RARB: variants seen among roughly 807,000 people sequenced by gnomAD.
RARB encodes HBV-activated protein.
Under a neutral mutation model 51.9 loss-of-function variants are expected in RARB, and 17 were observed. The ratio of observed to expected loss-of-function variants is 0.33; its 90% confidence interval spans 0.22 to 0.49. The LOEUF is 0.49. RARB is among the 20% of genes least tolerant of loss of function. RARB has a pLI of 0.99. For synonymous variants in RARB, 215 were observed against 195.4 expected (o/e 1.10, Z -0.84); for missense variants, 369 against 550.8 (o/e 0.67, Z 3.30).
At chr3:25,309,310 T>G (rs1037946782) in intron 5 of RARB, among the ~76,000 whole-genome samples, 5 of 135,772 alleles carry the variant, frequency 3.7e-5, no homozygotes, top group African/African-American at 7.6e-5. Context: ...AATTTTTTGT[T>G]TTTTTTTTTT....
chr3:25,486,721 A>T (rs1166004628), intron 2 of RARB, among the ~76,000 whole-genome samples: 1 of 152,166 alleles, frequency 6.6e-6, no homozygotes, highest in African/African-American at 2.4e-5. Flanking sequence ...GATAATGGTG[A>T]GGTACTTTTT....
chr3:25,459,691 G>GGTAGA (rs1438600183), intron 1 of RARB, among the ~76,000 whole-genome samples: 10 of 152,128 alleles, frequency 6.6e-5, no homozygotes, highest in African/African-American at 2.4e-4. Context: ...AAGTTTAGTG[G>GGTAGA]GTAGAGTTGA....
At chr3:24,985,089 C>G (rs1235615274) in intron 2 of RARB, among the ~76,000 whole-genome samples, 1 of 152,164 alleles carries the variant, frequency 6.6e-6, no homozygotes. Context: ...ATCATAAACT[C>G]ATATCCATTT....
intron 5 of RARB, among the ~76,000 whole-genome samples, chr3:25,196,818 C>T (rs1379669966): frequency 6.6e-6 from 1 of 152,078 alleles, no homozygotes; most frequent in Non-Finnish European, 1.5e-5. Context: ...GTCTGATGAG[C>T]AGTGATAATG....
At chr3:25,210,752 C>G (rs976328241) in intron 5 of RARB, among the ~76,000 whole-genome samples, 1 of 151,710 alleles carries the variant, frequency 6.6e-6, no homozygotes, top group Non-Finnish European at 1.5e-5. Context: ...CCATGCTGGT[C>G]TCGAACTCCT....
chr3:25,027,647 T>C (rs1288234137), intron 2 of RARB, among the ~76,000 whole-genome samples: 1 of 151,860 alleles, frequency 6.6e-6, no homozygotes, highest in African/African-American at 2.4e-5. Flanking sequence ...TTGACACTAA[T>C]ATATAGTTAG....
chr3:25,142,892 T>C (rs756002326), intron 4 of RARB, among the ~76,000 whole-genome samples: 7 of 152,106 alleles, frequency 4.6e-5, no homozygotes, highest in Non-Finnish European at 7.4e-5. Context: ...CCTGTCCCCG[T>C]GTCTGATCCT....
intron 2 of RARB, among the ~76,000 whole-genome samples, chr3:24,904,174 C>T (rs115146931): frequency 0.011 from 1,625 of 152,236 alleles, 21 homozygotes; most frequent in Non-Finnish European, 0.016. Flanking sequence ...CTTTAACTTC[C>T]AACTGTCTTA....
At chr3:25,438,415 G>A (rs1708525539) in intron 1 of RARB, among the ~76,000 whole-genome samples, 1 of 151,762 alleles carries the variant, frequency 6.6e-6, no homozygotes, top group Non-Finnish European at 1.5e-5. Context: ...ACTATAACAA[G>A]AAAGAAAGTA....
At chr3:25,215,036 A>T (rs1701793494) in intron 5 of RARB, among the ~76,000 whole-genome samples, 1 of 152,220 alleles carries the variant, frequency 6.6e-6, no homozygotes, top group Admixed American at 6.5e-5. Flanking sequence ...CGATGAAGAC[A>T]TAAAACACCT....
In RARB at chr3:25,586,347, C is replaced by A. The variant is rs141531727; in HGVS notation, c.786+5625C>A. ...ACAGGTGCATTTCCCAAAAGCTTCT[C>A]CCCCAGTCTGTTGTCTCAGTGAGAG... On this transcript the variant is annotated intron_variant, in intron 5 of 7. Coordinates refer to ENST00000330688, the MANE Select transcript of RARB (RefSeq NM_000965.5). 2.9e-4 allele frequency among the ~76,000 whole-genome samples: 44 copies of A among 152,252 alleles called. No homozygotes were observed. In the East Asian group the frequency reaches 7.3e-3, roughly 25 times the overall value.
intron 2 of RARB, among the ~76,000 whole-genome samples, chr3:24,867,890 G>A (rs1448781650): frequency 6.6e-6 from 1 of 152,108 alleles, no homozygotes; most frequent in African/African-American, 2.4e-5. Context: ...TTGAGTTCAA[G>A]TCAACCATAG....
At chr3:24,930,262 GA>G in intron 2 of RARB, among the ~76,000 whole-genome samples, 1 of 152,188 alleles carries the variant, frequency 6.6e-6, no homozygotes, top group East Asian at 1.9e-4. Flanking sequence ...TGCTTTTCAG[GA>G]GTCTTATTCT....
At chr3:25,565,167 C>G (rs1047660105) in intron 3 of RARB, among the ~76,000 whole-genome samples, 8 of 152,174 alleles carry the variant, frequency 5.3e-5, no homozygotes, top group African/African-American at 1.2e-4. Flanking sequence ...TCAGACGCAG[C>G]GGAGCACAGT....
At chr3:25,527,241 A>T (rs899526765) in intron 3 of RARB, among the ~76,000 whole-genome samples, 1 of 152,336 alleles carries the variant, frequency 6.6e-6, no homozygotes, top group South Asian at 2.1e-4. Flanking sequence ...AGCAGTGATC[A>T]GCAAGTGGCT....
chr3:25,348,816 G>GT (rs1235404181), intron 5 of RARB, among the ~76,000 whole-genome samples: 7 of 152,194 alleles, frequency 4.6e-5, no homozygotes, highest in Non-Finnish European at 7.3e-5. Context: ...CAACTGGAGG[G>GT]TTTGTAACTC....
chr3:24,948,233 A>G (rs1695815345), intron 2 of RARB, among the ~76,000 whole-genome samples: 2 of 134,130 alleles, frequency 1.5e-5, no homozygotes, highest in Non-Finnish European at 3.1e-5. Context: ...TATAGGTAGC[A>G]CATCCCCCCT....
intron 2 of RARB, among the ~76,000 whole-genome samples, chr3:24,890,041 G>T (rs1183509505): frequency 6.6e-6 from 1 of 152,184 alleles, no homozygotes. Context: ...TACATGTATA[G>T]CAGCTCTTCA....
Position 25,360,000 on chromosome 3 carries a change from C to G in RARB, c.179-101193C>G, listed in dbSNP as rs1000589039. ...TAGACATCTACTAGGTTTGCTAGCTCCAGAGCTGAGTTCAAGTCCTGAATA... is the reference window on the plus strand; with the variant it reads ...TAGACATCTACTAGGTTTGCTAGCTGCAGAGCTGAGTTCAAGTCCTGAATA... On this transcript the variant is annotated intron_variant, in intron 5 of 11. Transcript: ENST00000383772. 1.9e-4 allele frequency among the ~76,000 whole-genome samples: 29 copies of G among 152,120 alleles called. 1 individual carries two copies. The highest frequency in any genetic ancestry group is 1.7e-3 in the Admixed American group (26 of 15,268).
Sources: allele counts gnomAD v4.1 joint callset (sites outside exome capture counted in the v4.1 genomes callset), GRCh38; gene constraint gnomAD v4.1.1; transcripts MANE v1.5; gene names NCBI Gene and HGNC (gene_info 2026-07-23, HGNC 2026-07-21).